The following WDR25 variants were observed in gnomAD, a reference collection of about 807,000 sequenced individuals.
WDR25 encodes WD repeat-containing protein 25.
Under a neutral mutation model 47.7 loss-of-function variants are expected in WDR25, and 35 were observed. The observed-to-expected ratio is 0.73, with a 90% CI of 0.56 to 0.97. WDR25 has a LOEUF of 0.97. Among genes scored for constraint, WDR25 ranks in the 50% least tolerant of loss-of-function variants. The pLI, the probability that WDR25 is intolerant of heterozygous loss-of-function variation, is 0.00. For missense variants in WDR25, 634 were observed against 704.7 expected (o/e 0.90, Z 1.14); for synonymous variants, 248 against 278.9 (o/e 0.89, Z 1.10).
At chr14:100,385,888 C>A (rs565638175) in intron 2 of WDR25, among the ~76,000 whole-genome samples, 25 of 152,214 alleles carry the variant, frequency 1.6e-4, no homozygotes, top group Admixed American at 7.2e-4. Context: ...CCTGCGTTAA[C>A]CAAAAACACA....
intron 1 of WDR25, chr14:100,376,805 A>G: frequency 2.6e-6 from 3 of 1,153,724 alleles, no homozygotes; most frequent in Non-Finnish European, 3.3e-6. Flanking sequence ...AGGGCTTGAC[A>G]AAGAGTACGT....
At position 100,522,651 on chromosome 14, in the gene WDR25, A is replaced by G. The variant is rs113102216; in HGVS notation, c.1102-3219A>G. On this transcript the variant is annotated intron_variant, in intron 4 of 6. Transcript: ENST00000402312. ...ATGTGTCAGGCATTTAGCTGGGCAC[A>G]GCACCCTTAGTTCCTCAGCTGGAGG... Among the ~76,000 whole-genome samples the G allele has an allele frequency of 8.6e-3, 1,317 of 152,348 alleles. 29 individuals carry two copies. Among genetic ancestry groups the G allele is most frequent in the African/African-American group, 0.03 (1,260 of 41,584 alleles).
chr14:100,395,214 TC>T (rs1897231304), intron 2 of WDR25, among the ~76,000 whole-genome samples: 1 of 152,154 alleles, frequency 6.6e-6, no homozygotes, highest in Non-Finnish European at 1.5e-5. Flanking sequence ...TCATCAGAGC[TC>T]AGGGAGTCTT....
intron 4 of WDR25, among the ~76,000 whole-genome samples, chr14:100,491,541 G>A (rs1375745845): frequency 6.6e-6 from 1 of 152,240 alleles, no homozygotes; most frequent in Non-Finnish European, 1.5e-5. Context: ...AGGAGCCATA[G>A]GCTAGACCTC....
At chr14:100,397,132 C>T (rs1420453032) in intron 2 of WDR25, among the ~76,000 whole-genome samples, 9 of 152,204 alleles carry the variant, frequency 5.9e-5, no homozygotes, top group Admixed American at 5.2e-4. Context: ...AAACACTTAA[C>T]GAGTTCAAAG....
Position 100,424,833 on chromosome 14 carries a change from C to T in WDR25, c.822+43087C>T, listed in dbSNP as rs927679101. 6.6e-6 allele frequency among the ~76,000 whole-genome samples: 1 copy of T among 152,182 alleles called. No individual in the cohort carries two copies. The highest frequency in any genetic ancestry group is 1.5e-5 in the Non-Finnish European group (1 of 68,038). ...CAGAGTAAGTTTGATCATTCCATTC[C>T]ACTGACAAGGAAACTCAGGCTCAAC... On this transcript the variant is annotated intron_variant, in intron 2 of 6. Coordinates refer to ENST00000402312, the MANE Select transcript of WDR25 (RefSeq NM_001161476.3). The surrounding 1 kb of genome is among the most constrained non-coding windows in gnomAD (Gnocchi z 4.2).
chr14:100,526,097 G>A (rs1172148142), intron 5 of WDR25, 57 bp downstream of exon 5: 9 of 1,582,520 alleles, frequency 5.7e-6, no homozygotes, highest in Non-Finnish European at 6.9e-6. Flanking sequence ...TATCCATGTA[G>A]TTCTGGTCTG....
chr14:100,483,866 T>C, intron 3 of WDR25, 128 bp from the exon 4 acceptor site: 5 of 1,164,660 alleles, frequency 4.3e-6, no homozygotes, highest in East Asian at 2.7e-5. Context: ...AAAGTGTCCA[T>C]TGGGCTACAT....
chr14:100,527,024 GCAC>G (rs1336978844), intron 5 of WDR25, among the ~76,000 whole-genome samples: 2 of 2,490 alleles, frequency 8.0e-4, no homozygotes, highest in Non-Finnish European at 1.2e-3. Flanking sequence ...CTTTATTGCT[GCAC>G]CACCACCATC....
intron 2 of WDR25, among the ~76,000 whole-genome samples, chr14:100,423,328 T>C (rs1282286222): frequency 6.6e-6 from 1 of 152,204 alleles, no homozygotes; most frequent in East Asian, 1.9e-4. Flanking sequence ...GGATGGAAGC[T>C]GTCGGTGGTT....
intron 3 of WDR25, among the ~76,000 whole-genome samples, chr14:100,476,212 T>C (rs1566928649): frequency 6.6e-6 from 1 of 152,210 alleles, no homozygotes; most frequent in East Asian, 1.9e-4. Flanking sequence ...TGATGGGGAA[T>C]GTTCAGATGC....
chr14:100,416,837 C>G (rs946281517), intron 2 of WDR25, among the ~76,000 whole-genome samples: 1 of 152,212 alleles, frequency 6.6e-6, no homozygotes, highest in Non-Finnish European at 1.5e-5. Context: ...TTTTCTGTAG[C>G]AGGCACTTGG....
At chr14:100,471,305 T>G (rs2140301074) in intron 3 of WDR25, among the ~76,000 whole-genome samples, 1 of 152,266 alleles carries the variant, frequency 6.6e-6, no homozygotes, top group South Asian at 2.1e-4. Context: ...GAGTTTGTCC[T>G]TGCCAGGTCC....
intron 4 of WDR25, among the ~76,000 whole-genome samples, chr14:100,519,410 A>C (rs72713986): frequency 0.024 from 3,622 of 152,038 alleles, 57 homozygotes; most frequent in Non-Finnish European, 0.036. Flanking sequence ...TAGTTTACTA[A>C]CGGTTTCTTT....
intron 2 of WDR25, among the ~76,000 whole-genome samples, chr14:100,439,463 T>C (rs551203198): frequency 8.7e-4 from 132 of 152,306 alleles, no homozygotes; most frequent in Non-Finnish European, 6.9e-4. Flanking sequence ...GAGCCGTTAG[T>C]GTTTATGAAG....
chr14:100,482,664 G>A (rs1306953771), intron 3 of WDR25, among the ~76,000 whole-genome samples: 1 of 152,160 alleles, frequency 6.6e-6, no homozygotes, highest in Non-Finnish European at 1.5e-5. Flanking sequence ...TCCACACCTG[G>A]TGAGCTGGTA....
rs2030076824 is a variant in WDR25 at position 100,525,504 on chromosome 14, C to T, written c.1102-366C>T. Among the ~76,000 whole-genome samples, 2 of 152,196 alleles carry T rather than the reference C, an allele frequency of 1.3e-5. No homozygotes were observed. Among genetic ancestry groups the T allele is most frequent in the African/African-American group, 4.8e-5 (2 of 41,446 alleles). ...ATGTGACGTCTTCAGAAGCAGGACC[C>T]ACTCAAAGCATGACCCCAGTGTTGA... On this transcript the variant is annotated intron_variant, in intron 4 of 6. Transcript: ENST00000402312. The surrounding 1 kb of genome is among the most constrained non-coding windows in gnomAD (Gnocchi z 4.6).
intron 3 of WDR25, among the ~76,000 whole-genome samples, chr14:100,478,303 G>A (rs2140311308): frequency 6.6e-6 from 1 of 152,338 alleles, no homozygotes; most frequent in Admixed American, 6.5e-5. Flanking sequence ...ACATTTGTAA[G>A]AGTGTGAGAC....
intron 2 of WDR25, among the ~76,000 whole-genome samples, chr14:100,431,956 C>T (rs573749000): frequency 8.1e-4 from 123 of 152,214 alleles, no homozygotes; most frequent in Non-Finnish European, 1.6e-4. Flanking sequence ...GTGATCCACC[C>T]GCCTCAGCCT....
Sources: allele counts gnomAD v4.1 joint callset (sites outside exome capture counted in the v4.1 genomes callset), GRCh38; gene constraint gnomAD v4.1.1; non-coding constraint Gnocchi (gnomAD v3.1); transcripts MANE v1.5; gene names NCBI Gene and HGNC (gene_info 2026-07-23, HGNC 2026-07-21).